The following B4GALT6 variants were observed in gnomAD, a reference collection of about 807,000 sequenced individuals.
B4GALT6 encodes beta-1,4-galactosyltransferase 6.
Under a neutral mutation model 46.3 loss-of-function variants are expected in B4GALT6, and 14 were observed. That is an observed-to-expected ratio of 0.30 (90% CI 0.20 to 0.47). B4GALT6 has a LOEUF of 0.47. Among genes scored for constraint, B4GALT6 ranks in the 20% least tolerant of loss-of-function variants. The pLI, the probability that B4GALT6 is intolerant of heterozygous loss-of-function variation, is 0.99. For missense variants in B4GALT6, 386 were observed against 480.1 expected, an observed-to-expected ratio of 0.80 and a Z score of 1.83; for synonymous variants, 168 against 162.0, an observed-to-expected ratio of 1.04 and a Z score of -0.28.
At chr18:31,678,362 A>G (rs2074439350) in intron 1 of B4GALT6, among the ~76,000 whole-genome samples, 1 of 151,986 alleles carries the variant, frequency 6.6e-6, no homozygotes, top group South Asian at 2.1e-4. Context: ...ATAAGCCTCA[A>G]CTCTGCCTCA....
chr18:31,684,524 A>G lies in B4GALT6; in HGVS notation c.-98T>C. ...TTCCATAAATGTGCTGAGAACCCCG[A>G]GACTGCAGCGGGGTCCGCGCGGGGA... is the stretch of plus-strand genomic sequence containing the variant. On this transcript the variant is annotated 5_prime_UTR_variant, in exon 1 of 9. Transcript: ENST00000306851. The G allele has an allele frequency of 1.3e-6, 2 of 1,524,898 alleles. No homozygotes were observed. The allele number at this position is 1,524,898 out of a possible 1,614,324, so 94.5% of individuals were successfully genotyped here. A position where few individuals can be genotyped will look rare whatever the true frequency, so the allele number is the denominator to read the frequency against.
At chr18:31,626,231 T>C (rs117100417) in intron 8 of B4GALT6, 52 bp downstream of exon 8, 1 of 1,090,260 alleles carries the variant, frequency 9.2e-7, no homozygotes, top group Admixed American at 2.4e-5. Flanking sequence ...TTACCTTTCA[T>C]TTATTCAACA....
At chr18:31,634,552 G>A (rs781493340) in intron 5 of B4GALT6, among the ~76,000 whole-genome samples, 44 of 152,248 alleles carry the variant, frequency 2.9e-4, no homozygotes, top group Middle Eastern at 6.8e-3. Context: ...TAACCGAAAC[G>A]TGTGAAAATC....
At chr18:31,669,155 A>G (rs1197361843) in intron 1 of B4GALT6, among the ~76,000 whole-genome samples, 1 of 152,182 alleles carries the variant, frequency 6.6e-6, no homozygotes, top group Non-Finnish European at 1.5e-5. Flanking sequence ...TATTCTTGAT[A>G]CAATTTGGAG....
At chr18:31,682,234 C>A (rs2074488096) in intron 1 of B4GALT6, among the ~76,000 whole-genome samples, 1 of 152,142 alleles carries the variant, frequency 6.6e-6, no homozygotes, top group South Asian at 2.1e-4. Flanking sequence ...TTCAAACTTT[C>A]AAGCGAAAAT....
chr18:31,694,686 A>G, the B4GALT6 span, among the ~76,000 whole-genome samples: 3 of 152,224 alleles, frequency 2.0e-5, no homozygotes, highest in Non-Finnish European at 4.4e-5. Context: ...TAGTCCTGAT[A>G]TAAGTTGTCT....
chr18:31,700,468 T>TGTGTCTGTGTGA, the B4GALT6 span, among the ~76,000 whole-genome samples: 1 of 148,280 alleles, frequency 6.7e-6, no homozygotes, highest in Non-Finnish European at 1.5e-5. Flanking sequence ...TGTGTGTGTG[T>TGTGTCTGTGTGA]GAGAGAGAGA....
At chr18:31,706,716 GC>G in the B4GALT6 span, among the ~76,000 whole-genome samples, 1 of 152,108 alleles carries the variant, frequency 6.6e-6, no homozygotes, top group Non-Finnish European at 1.5e-5. Flanking sequence ...ATGTTTTATA[GC>G]AAAATGTAAC....
chr18:31,709,568 T>A, the B4GALT6 span, among the ~76,000 whole-genome samples: 1 of 129,096 alleles, frequency 7.7e-6, no homozygotes. Flanking sequence ...TGTGTGTGTG[T>A]GTGTGTGTGT....
At chr18:31,679,938 A>G (rs2074460626) in intron 1 of B4GALT6, among the ~76,000 whole-genome samples, 1 of 152,150 alleles carries the variant, frequency 6.6e-6, no homozygotes, top group Admixed American at 6.5e-5. Context: ...CTAATCTTCT[A>G]TTGGCCATTG....
chr18:31,718,896 T>C, the B4GALT6 span: 4 of 152,310 alleles, frequency 2.6e-5, no homozygotes, highest in African/African-American at 4.8e-5. Context: ...TTTTGGGGAA[T>C]GTGAGGGTTA....
Position 31,625,185 on chromosome 18 carries a change from A to G in B4GALT6, c.*429T>C, listed in dbSNP as rs897348999. 6.5e-6 allele frequency: 1 copy of G among 154,624 alleles called. No individual in the cohort carries two copies. The highest frequency in any genetic ancestry group is 1.4e-5 in the Non-Finnish European group (1 of 69,506). 9.6% of individuals were successfully genotyped at this position (154,624 alleles called of 1,614,324 possible). Reference sequence around the variant, plus strand: ...TTCATGCAAATAAAAAATGTCTATAAAAGTCCAATAAAGGTATAACCGATT... The same window carrying G: ...TTCATGCAAATAAAAAATGTCTATAGAAGTCCAATAAAGGTATAACCGATT... On this transcript the variant is annotated 3_prime_UTR_variant, in exon 9 of 9. Coordinates refer to ENST00000306851, the MANE Select transcript of B4GALT6 (RefSeq NM_004775.5).
At chr18:31,705,428 G>A in the B4GALT6 span, among the ~76,000 whole-genome samples, 264 of 152,032 alleles carry the variant, frequency 1.7e-3, no homozygotes, top group Middle Eastern at 3.4e-3. Context: ...CAATCTTGTC[G>A]CCCAGGCTGG....
In B4GALT6 at chr18:31,661,328, CATAAAG is replaced by C. The variant is rs2074213261; in HGVS notation, c.233-3245_233-3240del. Reference sequence around the variant, plus strand: ...AAATCAAGAGACAGCAGGATAGAAACATAAAGATAAATACAGAATAAATTGTTAGTT... The same window carrying C: ...AAATCAAGAGACAGCAGGATAGAAACATAAATACAGAATAAATTGTTAGTT... On this transcript the variant is annotated intron_variant, in intron 2 of 8. Transcript: ENST00000306851. Among the ~76,000 whole-genome samples, 3 of 152,060 alleles carry C rather than the reference CATAAAG, an allele frequency of 2.0e-5. No individual in the cohort carries two copies. In the South Asian group the frequency reaches 6.2e-4, roughly 32 times the overall value.
chr18:31,709,553 AT>A, the B4GALT6 span, among the ~76,000 whole-genome samples: 1 of 126,794 alleles, frequency 7.9e-6, no homozygotes, highest in Non-Finnish European at 1.6e-5. Context: ...TAGGATATAT[AT>A]GTGTGTGTGT....
the B4GALT6 span, among the ~76,000 whole-genome samples, chr18:31,693,202 G>A: frequency 2.6e-5 from 4 of 152,158 alleles, no homozygotes; most frequent in African/African-American, 9.7e-5. Flanking sequence ...AGACTGGAAG[G>A]AGAGGCTGAG....
At chr18:31,721,402 A>C in the B4GALT6 span, among the ~76,000 whole-genome samples, 1 of 152,184 alleles carries the variant, frequency 6.6e-6, no homozygotes, top group African/African-American at 2.4e-5. Flanking sequence ...TCCATAGTAG[A>C]ATGCCTAACA....
chr18:31,645,273 G>A, intron 4 of B4GALT6, 82 bp downstream of exon 4: 1 of 1,543,572 alleles, frequency 6.5e-7, no homozygotes, highest in Non-Finnish European at 8.8e-7. Context: ...AAAGACATTT[G>A]TCTCTGTATT....
At chr18:31,715,029 T>C in the B4GALT6 span, among the ~76,000 whole-genome samples, 1 of 152,342 alleles carries the variant, frequency 6.6e-6, no homozygotes, top group Non-Finnish European at 1.5e-5. Flanking sequence ...TCCAGTATGC[T>C]ATGCAATGTG....
Sources: gnomAD v4.1 joint callset for allele counts (sites outside exome capture counted in the v4.1 genomes callset) on GRCh38, gnomAD v4.1.1 for gene constraint, MANE v1.5 for transcripts, NCBI Gene and HGNC (gene_info 2026-07-23, HGNC 2026-07-21) for gene names.